The following CCSER1 variants were observed in gnomAD, a reference collection of about 807,000 sequenced individuals.
CCSER1 encodes the protein coiled-coil serine rich protein 1.
A neutral mutation model predicts 82.0 loss-of-function variants in CCSER1; 41 were observed. The ratio of observed to expected loss-of-function variants is 0.50; its 90% CI spans 0.39 to 0.65. CCSER1 has a LOEUF of 0.65. CCSER1 is among the 30% of genes least tolerant of loss of function. The pLI is 0.00. For synonymous variants in CCSER1, 414 were observed against 383.9 expected (o/e 1.08, Z -0.92); for missense variants, 1,119 against 1,064.2 (o/e 1.05, Z -0.72).
At chr4:91,393,309 G>A (rs1046196796) in intron 10 of CCSER1, among the ~76,000 whole-genome samples, 1 of 151,988 alleles carries the variant, frequency 6.6e-6, no homozygotes, top group Non-Finnish European at 1.5e-5. Flanking sequence ...ATGCCAAATA[G>A]TTGGGTTCTT....
chr4:90,172,139 T>A (rs1731817341), intron 1 of CCSER1, among the ~76,000 whole-genome samples: 1 of 151,934 alleles, frequency 6.6e-6, no homozygotes, highest in African/African-American at 2.4e-5. Flanking sequence ...GAAAAGATGA[T>A]CACACATGCA....
At position 91,301,357 on chromosome 4, in the gene CCSER1, A is replaced by G. The variant is rs550404692; in HGVS notation, c.2217+215363A>G. 8.6e-4 allele frequency among the ~76,000 whole-genome samples: 131 copies of G among 151,886 alleles called. No individual in the cohort carries two copies. The South Asian group carries it at 0.01, about 12-fold the overall frequency. The stretch of plus-strand genomic sequence containing the variant: ...GCTTTAAAACAATTGCAATATTAAA[A>G]AGGAGAATTAATACATGGATTATCT... On this transcript the variant is annotated intron_variant, in intron 10 of 10. Coordinates refer to ENST00000509176, the MANE Select transcript of CCSER1 (RefSeq NM_001145065.2).
At chr4:91,180,362 C>T (rs868757787) in intron 10 of CCSER1, among the ~76,000 whole-genome samples, 1 of 152,210 alleles carries the variant, frequency 6.6e-6, no homozygotes, top group Non-Finnish European at 1.5e-5. Flanking sequence ...TTGAAGTCTG[C>T]AGAAGTTTCT....
intron 10 of CCSER1, among the ~76,000 whole-genome samples, chr4:91,592,497 A>C (rs1471646177): frequency 1.3e-5 from 2 of 152,166 alleles, no homozygotes; most frequent in African/African-American, 4.8e-5. Flanking sequence ...CTTAACCTGC[A>C]GGTCTCATTA....
At chr4:90,593,726 T>C (rs1782981161) in intron 5 of CCSER1, among the ~76,000 whole-genome samples, 1 of 151,976 alleles carries the variant, frequency 6.6e-6, no homozygotes, top group Non-Finnish European at 1.5e-5. Context: ...TTGCCTTCCT[T>C]TACACCCGAA....
intron 9 of CCSER1, among the ~76,000 whole-genome samples, chr4:90,926,206 C>A (rs1217432773): frequency 6.6e-6 from 1 of 151,878 alleles, no homozygotes; most frequent in Non-Finnish European, 1.5e-5. Flanking sequence ...TTTTAACTTT[C>A]AAAAATATTT....
intron 10 of CCSER1, among the ~76,000 whole-genome samples, chr4:91,434,380 C>T (rs865820158): frequency 4.2e-4 from 64 of 151,844 alleles, no homozygotes; most frequent in Non-Finnish European, 1.3e-4. Flanking sequence ...TAAAAGAACA[C>T]GTTCAAAGTT....
chr4:90,245,104 G>T (rs1412753635), intron 1 of CCSER1, among the ~76,000 whole-genome samples: 1 of 152,034 alleles, frequency 6.6e-6, no homozygotes, highest in African/African-American at 2.4e-5. Flanking sequence ...AACAAATGTA[G>T]CTTCTTTTAA....
chr4:90,550,824 G>A (rs533609415), intron 5 of CCSER1, among the ~76,000 whole-genome samples: 41 of 152,106 alleles, frequency 2.7e-4, no homozygotes, highest in African/African-American at 9.6e-4. Flanking sequence ...CAGTAAGTTG[G>A]GGGGAAAAGT....
chr4:90,434,634 C>T (rs1168134896), intron 4 of CCSER1, among the ~76,000 whole-genome samples: 1 of 152,026 alleles, frequency 6.6e-6, no homozygotes, highest in African/African-American at 2.4e-5. Context: ...ACATAAAAGA[C>T]CAGAGGGTAT....
intron 10 of CCSER1, among the ~76,000 whole-genome samples, chr4:91,467,086 T>C (rs1233664397): frequency 3.3e-5 from 5 of 152,118 alleles, no homozygotes; most frequent in Non-Finnish European, 7.4e-5. Flanking sequence ...GGAGGCATCA[T>C]GCTACCTGAC....
intron 10 of CCSER1, among the ~76,000 whole-genome samples, chr4:91,565,026 TTGTGTG>T (rs56723869): frequency 0.096 from 12,565 of 130,626 alleles, 678 homozygotes; most frequent in South Asian, 0.14. Context: ...GCACCTTGAG[TTGTGTG>T]TGTGTGTGTG....
chr4:90,281,284 G>A (rs1368460659), intron 1 of CCSER1, among the ~76,000 whole-genome samples: 1 of 151,972 alleles, frequency 6.6e-6, no homozygotes, highest in Non-Finnish European at 1.5e-5. Context: ...ACAGACATTG[G>A]GGCCTATTTA....
At chr4:91,179,666 G>A (rs1252360170) in intron 10 of CCSER1, among the ~76,000 whole-genome samples, 3 of 152,164 alleles carry the variant, frequency 2.0e-5, no homozygotes, top group African/African-American at 4.8e-5. Context: ...GTCATTTAAT[G>A]TCTTCTGTAT....
chr4:90,910,757 T>C (rs373824583), intron 8 of CCSER1, among the ~76,000 whole-genome samples: 2 of 152,200 alleles, frequency 1.3e-5, no homozygotes, highest in African/African-American at 4.8e-5. Context: ...TTTTTAAACA[T>C]ACAAACCTGA....
At chr4:90,493,565 T>TC (rs1187890067) in intron 5 of CCSER1, among the ~76,000 whole-genome samples, 2 of 152,224 alleles carry the variant, frequency 1.3e-5, no homozygotes, top group African/African-American at 4.8e-5. Context: ...AGCTGATCTC[T>TC]TGCTAGAAAC....
chr4:91,100,377 T>C (rs1724938954), intron 10 of CCSER1, among the ~76,000 whole-genome samples: 1 of 69,208 alleles, frequency 1.4e-5, no homozygotes, highest in Non-Finnish European at 3.9e-5. Context: ...TTACTATTAT[T>C]ATTATTATTA....
intron 9 of CCSER1, among the ~76,000 whole-genome samples, chr4:90,955,436 C>T (rs1408082658): frequency 6.6e-6 from 1 of 152,122 alleles, no homozygotes; most frequent in Non-Finnish European, 1.5e-5. Flanking sequence ...TATCCTACAA[C>T]TTCAAGTCAC....
At chr4:90,744,739 C>A (rs1416514757) in intron 7 of CCSER1, among the ~76,000 whole-genome samples, 1 of 151,916 alleles carries the variant, frequency 6.6e-6, no homozygotes, top group African/African-American at 2.4e-5. Context: ...GAGTGCAAAC[C>A]CTATTGTGAA....
Sources: gnomAD v4.1 joint callset for allele counts (sites outside exome capture counted in the v4.1 genomes callset) on GRCh38, gnomAD v4.1.1 for gene constraint, MANE v1.5 for transcripts, NCBI Gene and HGNC (gene_info 2026-07-23, HGNC 2026-07-21) for gene names.